RGS12: variants seen among roughly 807,000 people sequenced by gnomAD.
RGS12 encodes regulator of G-protein signaling 12.
RGS12 carries 66 observed loss-of-function variants against 120.1 expected under a neutral mutation model. The observed-to-expected ratio is 0.55, with a 90% CI of 0.45 to 0.67. The LOEUF (loss-of-function observed/expected upper bound fraction) is 0.67, where lower values mean the gene tolerates loss of function less well. RGS12 is among the 30% of genes least tolerant of loss of function. RGS12 has a pLI of 0.00. For missense variants in RGS12, 1,859 were observed against 1,957.7 expected, an observed-to-expected ratio of 0.95 and a Z score of 0.95; for synonymous variants, 827 against 804.7, an observed-to-expected ratio of 1.03 and a Z score of -0.47.
At chr4:3,329,635 G>A (rs1253640580) in intron 2 of RGS12, among the ~76,000 whole-genome samples, 1 of 141,540 alleles carries the variant, frequency 7.1e-6, no homozygotes, top group Non-Finnish European at 1.5e-5. Flanking sequence ...AGTGTGATGC[G>A]ACTGAAGCAC....
intron 3 of RGS12, among the ~76,000 whole-genome samples, chr4:3,351,753 G>A (rs75755681): frequency 0.031 from 4,648 of 152,170 alleles, 225 homozygotes; most frequent in African/African-American, 0.1. Flanking sequence ...ATCACCACAC[G>A]AGAACGGACC....
At chr4:3,423,955 G>A in intron 13 of RGS12, 2 of 281,828 alleles carry the variant, frequency 7.1e-6, no homozygotes, top group Non-Finnish European at 1.4e-5. Flanking sequence ...TGGCCAATGT[G>A]ATCAGATAAG....
intron 3 of RGS12, among the ~76,000 whole-genome samples, chr4:3,371,703 T>C (rs954411970): frequency 6.6e-6 from 1 of 152,154 alleles, no homozygotes; most frequent in Non-Finnish European, 1.5e-5. Flanking sequence ...TCTGCCTGGC[T>C]GGGTCCTGGC....
At chr4:3,383,962 A>G (rs1718543018) in intron 3 of RGS12, among the ~76,000 whole-genome samples, 1 of 152,220 alleles carries the variant, frequency 6.6e-6, no homozygotes, top group Non-Finnish European at 1.5e-5. Context: ...TTTCTAGAGC[A>G]CTTTGTTCGG....
intron 1 of RGS12, among the ~76,000 whole-genome samples, chr4:3,309,905 C>T (rs55905213): frequency 6.9e-4 from 74 of 106,682 alleles, no homozygotes; most frequent in South Asian, 1.4e-3. Flanking sequence ...GGGAACCGTG[C>T]AGGGGAGGAG....
chr4:3,414,902 T>C (rs892910932), intron 6 of RGS12, 58 bp downstream of exon 6: 24 of 1,279,168 alleles, frequency 1.9e-5, no homozygotes, highest in Non-Finnish European at 2.5e-5. Context: ...GAGAGACGCA[T>C]GTGAGGGGTG....
chr4:3,425,098 T>C (rs560140880), intron 13 of RGS12, among the ~76,000 whole-genome samples: 1 of 152,246 alleles, frequency 6.6e-6, no homozygotes, highest in Non-Finnish European at 1.5e-5. Context: ...TAAAGTTGTC[T>C]GTCTTTGCTT....
At chr4:3,368,357 C>G (rs1198727015) in intron 3 of RGS12, among the ~76,000 whole-genome samples, 2 of 140,958 alleles carry the variant, frequency 1.4e-5, no homozygotes, top group Non-Finnish European at 3.1e-5. Flanking sequence ...GTGTGTGCAC[C>G]TGTGTGTGTG....
rs533100189 is a variant in RGS12, at chr4:3,367,085, C to T, written c.1999-19331C>T. Among the ~76,000 whole-genome samples the T allele has an allele frequency of 7.9e-5, 12 of 152,364 alleles. 1 individual carries two copies. The South Asian group carries it at 2.3e-3, about 29-fold the overall frequency. ...CTGCCCCCCTGCTCACCCTGGGTTT[C>T]CAGCTCAGGACAGACCCCTGGGGAG... On this transcript the variant is annotated intron_variant, in intron 3 of 17. Coordinates refer to ENST00000336727, the MANE Select transcript of RGS12 (RefSeq NM_001394154.1).
chr4:3,381,606 C>T (rs867033947), intron 3 of RGS12, among the ~76,000 whole-genome samples: 3 of 152,202 alleles, frequency 2.0e-5, no homozygotes, highest in Non-Finnish European at 4.4e-5. Context: ...AAAAGAGGGA[C>T]TAACCCCTTA....
intron 6 of RGS12, 70 bp from the exon 7 acceptor site, chr4:3,415,908 G>A: frequency 1.3e-6 from 2 of 1,515,284 alleles, no homozygotes; most frequent in Non-Finnish European, 1.8e-6. Flanking sequence ...GGGGGTGTCG[G>A]GCCTTGGCAG....
intron 14 of RGS12, among the ~76,000 whole-genome samples, chr4:3,427,411 T>TG (rs1323160202): frequency 1.3e-5 from 2 of 152,242 alleles, no homozygotes; most frequent in Non-Finnish European, 2.9e-5. Flanking sequence ...GGCCAGCCTG[T>TG]GGCCCTGGCA....
intron 10 of RGS12, among the ~76,000 whole-genome samples, chr4:3,421,148 C>G (rs945786071): frequency 6.6e-6 from 1 of 152,190 alleles, no homozygotes; most frequent in African/African-American, 2.4e-5. Context: ...GCCTGCGGGC[C>G]GCCTGTCTCA....
intron 1 of RGS12, among the ~76,000 whole-genome samples, chr4:3,310,178 A>C (rs1724291791): frequency 6.8e-6 from 1 of 147,216 alleles, no homozygotes. Flanking sequence ...TGTGTTGAGG[A>C]GGAGCTGGGA....
chr4:3,436,121 G>A lies in RGS12; in HGVS notation c.4115-3334G>A, dbSNP rs114803703. 5.5e-3 allele frequency among the ~76,000 whole-genome samples: 808 copies of A among 148,056 alleles called. 8 individuals carry two copies. The highest frequency in any genetic ancestry group is 0.018 in the African/African-American group (762 of 41,208). ...TGGCTGGGGACCCACACGGACAGGG[G>A]GACCTTGGGGGGGTCACACTCTGGA... On this transcript the variant is annotated intron_variant, in intron 17 of 17. Coordinates refer to ENST00000336727, the MANE Select transcript of RGS12 (RefSeq NM_001394154.1).
chr4:3,309,397 T>TTG (rs1724180227), intron 1 of RGS12, among the ~76,000 whole-genome samples: 2 of 34,754 alleles, frequency 5.8e-5, no homozygotes, highest in African/African-American at 1.3e-4. Flanking sequence ...GCTGGGACCC[T>TTG]GGAATGGCAG....
At chr4:3,378,325 G>A (rs1717904633) in intron 3 of RGS12, 2 of 152,050 alleles carry the variant, frequency 1.3e-5, no homozygotes, top group South Asian at 4.1e-4. Context: ...GAAAACACAG[G>A]GGAAAGCTCC....
intron 3 of RGS12, among the ~76,000 whole-genome samples, chr4:3,367,026 A>G (rs1716379720): frequency 6.6e-6 from 1 of 152,074 alleles, no homozygotes; most frequent in African/African-American, 2.4e-5. Context: ...GGCTGGACCC[A>G]GAGCTCCCAT....
intron 1 of RGS12, among the ~76,000 whole-genome samples, chr4:3,304,428 GT>G (rs1723861034): frequency 6.6e-6 from 1 of 152,194 alleles, no homozygotes; most frequent in Non-Finnish European, 1.5e-5. Context: ...TAGTGGAAAC[GT>G]GAGCTTTGAG....
Sources: allele counts gnomAD v4.1 joint callset (sites outside exome capture counted in the v4.1 genomes callset), GRCh38; gene constraint gnomAD v4.1.1; transcripts MANE v1.5; gene names NCBI Gene and HGNC (gene_info 2026-07-23, HGNC 2026-07-21).